DIAPH2: variants seen among roughly 807,000 people sequenced by gnomAD.
DIAPH2 encodes the protein protein diaphanous homolog 2.
Under a neutral mutation model 92.7 loss-of-function variants are expected in DIAPH2, and 35 were observed. That is an observed-to-expected ratio of 0.38 (90% confidence interval 0.29 to 0.50). The LOEUF (loss-of-function observed/expected upper bound fraction) is 0.50. DIAPH2 is among the 20% of genes least tolerant of loss of function. The pLI, the probability that DIAPH2 is intolerant of heterozygous loss-of-function variation, is 0.94. For missense variants in DIAPH2, 701 were observed against 819.5 expected, an observed-to-expected ratio of 0.86 and a Z score of 1.77; for synonymous variants, 301 against 280.4, an observed-to-expected ratio of 1.07 and a Z score of -0.73.
chrX:97,094,104 G>A (rs1027959552), intron 19 of DIAPH2, among the ~76,000 whole-genome samples: 4 of 111,624 alleles, frequency 3.6e-5, no homozygotes, highest in Non-Finnish European at 5.6e-5. Context: ...ATGGGTCAGA[G>A]TGAGGATGAG....
At chrX:97,017,713 C>G (rs1019003307) in intron 17 of DIAPH2, among the ~76,000 whole-genome samples, 1 of 112,174 alleles carries the variant, frequency 8.9e-6, no homozygotes, top group Admixed American at 9.5e-5. Context: ...TAATGAATCA[C>G]CTTTCAAATG....
chrX:97,204,312 G>A (rs976217389), intron 22 of DIAPH2, among the ~76,000 whole-genome samples: 1 of 111,747 alleles, frequency 8.9e-6, no homozygotes, highest in African/African-American at 3.3e-5. Context: ...AGTATTGGAA[G>A]TTCTGGCCAG....
At chrX:97,242,797 AT>A in intron 22 of DIAPH2, among the ~76,000 whole-genome samples, 1 of 107,886 alleles carries the variant, frequency 9.3e-6, no homozygotes, top group Non-Finnish European at 1.9e-5. Context: ...TTATTTATTT[AT>A]TTTTTTGAGG....
chrX:97,310,128 A>G (rs758604840), intron 23 of DIAPH2, among the ~76,000 whole-genome samples: 12 of 112,614 alleles, frequency 1.1e-4, no homozygotes, highest in Admixed American at 1.0e-3. Context: ...TTGCAAAGCG[A>G]CAAAATTTCC....
intron 17 of DIAPH2, among the ~76,000 whole-genome samples, chrX:96,996,591 G>T (rs1434635082): frequency 9.0e-6 from 1 of 111,601 alleles, no homozygotes; most frequent in Non-Finnish European, 1.9e-5. Context: ...GCCAGATTTT[G>T]CTCATTATTT....
At chrX:97,521,015 T>G (rs2070986991) in intron 26 of DIAPH2, among the ~76,000 whole-genome samples, 1 of 111,375 alleles carries the variant, frequency 9.0e-6, no homozygotes, top group African/African-American at 3.3e-5. Context: ...TACCCTCCAT[T>G]GTGATTGTAT....
At chrX:97,590,271 GCTTA>G (rs1173769909) in intron 26 of DIAPH2, among the ~76,000 whole-genome samples, 2 of 111,770 alleles carry the variant, frequency 1.8e-5, no homozygotes, top group African/African-American at 3.3e-5. Context: ...GGGTACCTGG[GCTTA>G]CTTAAGCTGG....
chrX:97,386,573 CAGA>C (rs1230940623), intron 25 of DIAPH2, among the ~76,000 whole-genome samples: 2 of 109,816 alleles, frequency 1.8e-5, no homozygotes, highest in African/African-American at 6.6e-5. Flanking sequence ...GAGGCTGAGG[CAGA>C]AGAATCGCTT....
chrX:97,240,605 C>CAAAAAAAAAAAAAAAAAAAAA (rs774748522), intron 22 of DIAPH2, among the ~76,000 whole-genome samples: 1 of 67,964 alleles, frequency 1.5e-5, no homozygotes, highest in African/African-American at 5.8e-5. Context: ...GACTGCATCT[C>CAAAAAAAAAAAAAAAAAAAAA]AAAAAAAAAA....
At chrX:97,178,728 A>T (rs1347008182) in intron 22 of DIAPH2, among the ~76,000 whole-genome samples, 1 of 111,055 alleles carries the variant, frequency 9.0e-6, no homozygotes, top group African/African-American at 3.3e-5. Context: ...ATGTTCTCCA[A>T]AATTCATGTG....
At chrX:97,025,454 A>T (rs931878731) in intron 17 of DIAPH2, among the ~76,000 whole-genome samples, 4 of 109,650 alleles carry the variant, frequency 3.6e-5, no homozygotes, top group Admixed American at 1.9e-4. Flanking sequence ...AATTGAGACC[A>T]TCCTGGCTAA....
chrX:97,034,338 C>T (rs886625415), intron 17 of DIAPH2, among the ~76,000 whole-genome samples: 8 of 109,876 alleles, frequency 7.3e-5, no homozygotes, highest in African/African-American at 9.9e-5. Flanking sequence ...TGAGTAGAAA[C>T]GTATGTATGA....
chrX:97,284,044 G>T (rs746173394), intron 23 of DIAPH2, among the ~76,000 whole-genome samples: 1 of 112,509 alleles, frequency 8.9e-6, no homozygotes, highest in Non-Finnish European at 1.9e-5. Context: ...GAGTCTAAGA[G>T]GCCCTTGCTT....
chrX:97,512,205 C>G (rs1307414782), intron 26 of DIAPH2, among the ~76,000 whole-genome samples: 1 of 113,511 alleles, frequency 8.8e-6, no homozygotes, highest in Non-Finnish European at 1.9e-5. Context: ...TTGGTCTACT[C>G]AGAGATTCAA....
At chrX:97,168,648 C>T (rs1442963257) in intron 22 of DIAPH2, among the ~76,000 whole-genome samples, 6 of 111,582 alleles carry the variant, frequency 5.4e-5, no homozygotes, top group Non-Finnish European at 7.5e-5. Flanking sequence ...AACACATATG[C>T]AAGTATCTCT....
intron 4 of DIAPH2, among the ~76,000 whole-genome samples, chrX:96,799,057 G>T (rs760561400): frequency 7.9e-5 from 8 of 101,085 alleles, no homozygotes; most frequent in Non-Finnish European, 1.4e-4. Flanking sequence ...ATCTGGAACT[G>T]TTTTTTTTTT....
chrX:96,826,430 A>G (rs912612447), intron 4 of DIAPH2, among the ~76,000 whole-genome samples: 4 of 110,867 alleles, frequency 3.6e-5, no homozygotes, highest in Non-Finnish European at 7.5e-5. Flanking sequence ...AAAAAAAAAG[A>G]AATGTGGTTT....
rs945736214 is a variant in DIAPH2 at position 97,219,954 on chromosome X, C to G, written c.2720-27761C>G. ...ACAAGTTAAAACTGAAAATAGGCAT[C>G]TCAACAGGCATGCAAAATCATAGCA... On this transcript the variant is annotated intron_variant, in intron 22 of 26. Coordinates refer to ENST00000324765, the MANE Select transcript of DIAPH2 (RefSeq NM_006729.5). Among the ~76,000 whole-genome samples, 3 of 111,926 alleles carry G rather than the reference C, an allele frequency of 2.7e-5. No individual in the cohort carries two copies. In the East Asian group the frequency reaches 8.4e-4, roughly 31 times the overall value.
intron 4 of DIAPH2, among the ~76,000 whole-genome samples, chrX:96,871,662 G>T (rs969613168): frequency 8.1e-5 from 9 of 110,644 alleles, no homozygotes; most frequent in Admixed American, 1.9e-4. Context: ...ATTTTTAGAT[G>T]TAAAACACAA....
Sources: allele counts gnomAD v4.1 joint callset (sites outside exome capture counted in the v4.1 genomes callset), GRCh38; gene constraint gnomAD v4.1.1; transcripts MANE v1.5; gene names NCBI Gene and HGNC (gene_info 2026-07-23, HGNC 2026-07-21).